QSER1: variants seen among roughly 807,000 people sequenced by gnomAD.
The protein encoded by QSER1 is glutamine and serine rich 1, also known as glutamine and serine-rich protein 1.
A neutral mutation model predicts 158.5 loss-of-function variants in QSER1; 49 were observed. The observed-to-expected ratio is 0.31, with a 90% CI of 0.25 to 0.39. QSER1 has a LOEUF of 0.39. Ranked by LOEUF, QSER1 falls within the 10% of genes least tolerant of loss-of-function variation. The pLI is 1.00. For synonymous variants in QSER1, 650 were observed against 715.5 expected (o/e 0.91, Z 1.46); for missense variants, 1,754 against 2,010.3 (o/e 0.87, Z 2.44).
intron 8 of QSER1, 64 bp from the exon 9 acceptor site, chr11:32,966,236 G>A: frequency 6.5e-7 from 1 of 1,548,064 alleles, no homozygotes; most frequent in South Asian, 1.2e-5. Flanking sequence ...TCTCGTTATA[G>A]AGAAAAGTGT....
intron 1 of QSER1, among the ~76,000 whole-genome samples, chr11:32,908,725 A>G (rs1187505044): frequency 2.0e-5 from 3 of 152,210 alleles, no homozygotes; most frequent in African/African-American, 7.2e-5. Context: ...GCTGCTATGG[A>G]CATTTGCATG....
intron 1 of QSER1, among the ~76,000 whole-genome samples, chr11:32,924,299 C>T (rs1396717901): frequency 6.6e-6 from 1 of 151,894 alleles, no homozygotes; most frequent in Non-Finnish European, 1.5e-5. Context: ...TGTGGTGGCT[C>T]ACACCTGTAA....
Position 32,931,805 on chromosome 11 carries a change from CT to C in QSER1, c.549del (p.Pro184HisfsTer39). ...ATGPLPSTGT[L>X]PPSLSAYQHP... is the part of the protein sequence containing the mutation. ...TGGACCTTTGCCAAGCACTGGAACA[CT>C]TCCACCATCTCTCTCTGCTTATCAG... is the stretch of plus-strand genomic sequence containing the variant. On this transcript the variant is annotated frameshift_variant, in exon 4 of 13. Transcript: ENST00000650167. LOFTEE classifies it high-confidence loss of function. The C allele has an allele frequency of 6.2e-7, 1 of 1,613,952 alleles. No individual in the cohort carries two copies. The highest frequency in any genetic ancestry group is 8.5e-7 in the Non-Finnish European group (1 of 1,179,902).
At chr11:32,972,806 T>C (rs1244075347) in intron 10 of QSER1, among the ~76,000 whole-genome samples, 1 of 152,142 alleles carries the variant, frequency 6.6e-6, no homozygotes, top group Non-Finnish European at 1.5e-5. Context: ...CCCATCATGC[T>C]CTGTTTTAGG....
intron 12 of QSER1, 127 bp from the exon 13 acceptor site, chr11:32,976,207 C>A: frequency 2.4e-6 from 2 of 834,076 alleles, no homozygotes; most frequent in Non-Finnish European, 3.4e-6. Context: ...GAGATCTCAC[C>A]CAAATTTAGC....
intron 1 of QSER1, among the ~76,000 whole-genome samples, chr11:32,908,118 C>CA (rs1392915265): frequency 4.0e-5 from 6 of 151,292 alleles, no homozygotes; most frequent in East Asian, 1.9e-4. Flanking sequence ...GAAAGCATTA[C>CA]AAAAAAAATA....
intron 9 of QSER1, among the ~76,000 whole-genome samples, chr11:32,967,487 G>GT (rs34954676): frequency 2.0e-5 from 3 of 151,960 alleles, no homozygotes; most frequent in East Asian, 3.9e-4. Context: ...TTTTTAAAAA[G>GT]TTTTTTTTAA....
In QSER1 at chr11:32,956,024, A is replaced by C; in HGVS notation, c.4654A>C (p.Lys1552Gln). ...GYFGDAKSKYKRIYVKFIENA... is the reference protein window; with the variant it reads ...GYFGDAKSKYQRIYVKFIENA... ...TTTTGGAGATGCAAAGAGTAAATAC[A>C]AAAGAATATATGTGAAGTTCATTGA... The change falls in exon 7 of 13, where the codon AAA (lysine) becomes CAA (glutamine). Residue 1552 changes from lysine (K) to glutamine (Q), a missense_variant. Physicochemically the swap from Lys to Gln is moderately conservative, Grantham distance 53. Transcript: ENST00000650167. 6.2e-7 allele frequency: 1 copy of C among 1,608,746 alleles called. No homozygotes were observed. The highest frequency in any genetic ancestry group is 8.5e-7 in the Non-Finnish European group (1 of 1,175,614).
chr11:32,937,161 G>A (rs943683705), intron 4 of QSER1, among the ~76,000 whole-genome samples: 7 of 152,182 alleles, frequency 4.6e-5, no homozygotes, highest in Admixed American at 2.0e-4. Flanking sequence ...TCATAAACCC[G>A]ATCCTTACTA....
In QSER1 at chr11:32,893,909, G is replaced by T. The variant is rs1851520281; in HGVS notation, c.209+575G>T. Among the ~76,000 whole-genome samples the T allele has an allele frequency of 6.6e-6, 1 of 152,232 alleles. No homozygotes were observed. Among genetic ancestry groups the T allele is most frequent in the Non-Finnish European group, 1.5e-5 (1 of 68,044 alleles). On this transcript the variant is annotated intron_variant, in intron 1 of 12. Transcript: ENST00000650167. The surrounding 1 kb of genome is among the most constrained non-coding windows in gnomAD (Gnocchi z 4.7). ...CCGGCAGGGCGCGAACGCGGCTCCA[G>T]GGCCGGGTGACATATGTTTGCGCTG... is the stretch of plus-strand genomic sequence containing the variant.
At chr11:32,968,005 T>C (rs778706950) in intron 9 of QSER1, among the ~76,000 whole-genome samples, 9 of 152,222 alleles carry the variant, frequency 5.9e-5, no homozygotes, top group Non-Finnish European at 8.8e-5. Flanking sequence ...TTAAATGTTA[T>C]ATTCCTTGCA....
chr11:32,955,339 T>C lies in QSER1; in HGVS notation c.4544T>C (p.Val1515Ala), dbSNP rs1251313627. ...AAAGAACCTCCAGCTATTTGGAAAG[T>C]ACAAAAAGCTTTATTACAGAAATTT... ...TGKEPPAIWKVQKALLQKFVP... is the reference protein window; with the variant it reads ...TGKEPPAIWKAQKALLQKFVP... Residue 1515 changes from valine (V) to alanine (A), a missense_variant, in exon 6 of 13, where the codon GTA becomes GCA. By Grantham distance (64) the Val-to-Ala change is moderately conservative. This residue lies in a region of QSER1 where 1,707 missense variants were observed against 1,919.6 expected (regional missense o/e 0.89). Coordinates refer to ENST00000650167, the MANE Select transcript of QSER1 (RefSeq NM_001076786.3). 4 of 1,601,124 alleles carry C rather than the reference T, an allele frequency of 2.5e-6. No homozygotes were observed. In the South Asian group the frequency reaches 3.4e-5, roughly 14 times the overall value.
chr11:32,939,045 A>C (rs748767956), intron 4 of QSER1, among the ~76,000 whole-genome samples: 1 of 152,234 alleles, frequency 6.6e-6, no homozygotes, highest in Non-Finnish European at 1.5e-5. Flanking sequence ...TTGAATTAAA[A>C]TGTAGTATAA....
intron 6 of QSER1, 87 bp downstream of exon 6, chr11:32,955,499 G>T: frequency 3.3e-6 from 2 of 610,108 alleles, no homozygotes; most frequent in South Asian, 2.5e-5. Flanking sequence ...ATTTTATATT[G>T]AATATTTTTG....
rs144965932 is a variant in QSER1, at chr11:32,900,923, G to T, written c.209+7589G>T. On this transcript the variant is annotated intron_variant, in intron 1 of 12. Coordinates refer to ENST00000650167, the MANE Select transcript of QSER1 (RefSeq NM_001076786.3). ...CTTCAGAGCATTCTCACTCTCTGGAGTAATTTTGTTGATTTATATGTATCG... is the reference window on the plus strand; with the variant it reads ...CTTCAGAGCATTCTCACTCTCTGGATTAATTTTGTTGATTTATATGTATCG... Among the ~76,000 whole-genome samples, 587 of 152,300 alleles carry T rather than the reference G, an allele frequency of 3.9e-3. 2 individuals carry two copies. Among genetic ancestry groups the T allele is most frequent in the Middle Eastern group, 6.8e-3 (2 of 294 alleles).
rs750335676 is a variant in QSER1, at chr11:32,976,490, C to G, written c.*16C>G. 4 of 1,609,670 alleles carry G rather than the reference C, an allele frequency of 2.5e-6. No individual in the cohort carries two copies. The highest frequency in any genetic ancestry group is 3.4e-6 in the Non-Finnish European group (4 of 1,178,468). On this transcript the variant is annotated 3_prime_UTR_variant, in exon 13 of 13. Coordinates refer to ENST00000650167, the MANE Select transcript of QSER1 (RefSeq NM_001076786.3). ...ATGTTCCTGACTTTTCCACAAAAAT[C>G]CCATCTTTTTATAGCACTAATGAAA...
rs767605844 is a variant in QSER1 at position 32,953,842 on chromosome 11, T to A, written c.4178-15T>A. On this transcript the variant is annotated splice_polypyrimidine_tract_variant and intron_variant, in intron 4 of 12. Coordinates refer to ENST00000650167, the MANE Select transcript of QSER1 (RefSeq NM_001076786.3). Reference sequence around the variant, plus strand: ...ATTTGTAATACTGATTTGCATTTGCTTGGTTTTGTTTCAGAAGCCCTACAG... The same window carrying A: ...ATTTGTAATACTGATTTGCATTTGCATGGTTTTGTTTCAGAAGCCCTACAG... 2.5e-6 allele frequency: 4 copies of A among 1,590,022 alleles called. No individual in the cohort carries two copies. In the South Asian group the frequency reaches 4.5e-5, roughly 18 times the overall value.
At chr11:32,926,969 T>C (rs1293099140) in intron 1 of QSER1, 188 bp from the exon 2 acceptor site, 1 of 152,348 alleles carries the variant, frequency 6.6e-6, no homozygotes. Context: ...ATTATTTTTC[T>C]TACTAATGCA....
intron 1 of QSER1, among the ~76,000 whole-genome samples, chr11:32,923,712 G>A (rs1319068422): frequency 6.6e-6 from 1 of 151,052 alleles, no homozygotes; most frequent in Non-Finnish European, 1.5e-5. Context: ...GCTCACACCT[G>A]TAATCCCAGC....
Sources: allele counts gnomAD v4.1 joint callset (sites outside exome capture counted in the v4.1 genomes callset), GRCh38; gene constraint gnomAD v4.1.1; regional missense constraint gnomAD v4.1.1; non-coding constraint Gnocchi (gnomAD v3.1); transcripts MANE v1.5; gene names NCBI Gene and HGNC (gene_info 2026-07-23, HGNC 2026-07-21).